The following JAM3 variants were observed in gnomAD, a reference collection of about 807,000 sequenced individuals.
The protein encoded by JAM3 is junctional adhesion molecule C.
Under a neutral mutation model 39.4 loss-of-function variants are expected in JAM3, and 31 were observed. The observed-to-expected ratio is 0.79, with a 90% CI of 0.59 to 1.06. The LOEUF (loss-of-function observed/expected upper bound fraction) is 1.06. Among genes scored for constraint, JAM3 ranks in the 50% least tolerant of loss-of-function variants. JAM3 has a pLI of 0.00. For synonymous variants in JAM3, 182 were observed against 148.7 expected, an observed-to-expected ratio of 1.22 and a Z score of -1.63; for missense variants, 455 against 391.4, an observed-to-expected ratio of 1.16 and a Z score of -1.37.
chr11:134,130,434 T>A lies in JAM3; in HGVS notation c.77-9417T>A, dbSNP rs956684614. 2.6e-5 allele frequency among the ~76,000 whole-genome samples: 4 copies of A among 152,134 alleles called. No individual in the cohort carries two copies. The East Asian group carries it at 7.7e-4, about 29-fold the overall frequency. On this transcript the variant is annotated intron_variant, in intron 1 of 8. Coordinates refer to ENST00000299106, the MANE Select transcript of JAM3 (RefSeq NM_032801.5). ...GTTGGGAATCAGATACAAAGATGAATAAGAATTACTAAAAAAAAAATAGTG... is the reference window on the plus strand; with the variant it reads ...GTTGGGAATCAGATACAAAGATGAAAAAGAATTACTAAAAAAAAAATAGTG...
intron 1 of JAM3, among the ~76,000 whole-genome samples, chr11:134,131,068 G>A (rs1038860550): frequency 5.3e-5 from 8 of 152,104 alleles, no homozygotes; most frequent in Non-Finnish European, 1.0e-4. Context: ...ATAGAAAGCT[G>A]TGATCATGTC....
At chr11:134,115,201 C>T (rs1021304606) in intron 1 of JAM3, among the ~76,000 whole-genome samples, 3 of 152,148 alleles carry the variant, frequency 2.0e-5, no homozygotes, top group Non-Finnish European at 4.4e-5. Context: ...AGCCACTCCA[C>T]TTTTCTTTTG....
At chr11:134,140,253 C>A (rs558991196) in intron 2 of JAM3, among the ~76,000 whole-genome samples, 4 of 152,262 alleles carry the variant, frequency 2.6e-5, no homozygotes, top group Non-Finnish European at 4.4e-5. Context: ...TCCTGAGTAG[C>A]TGGGATTACA....
chr11:134,081,036 C>T (rs1025842717), intron 1 of JAM3, among the ~76,000 whole-genome samples: 2 of 152,098 alleles, frequency 1.3e-5, no homozygotes, highest in Admixed American at 1.3e-4. Context: ...TTTGCCCCTG[C>T]CCTAGAGATT....
At chr11:134,140,577 G>C (rs1942955770) in intron 2 of JAM3, 80 bp from the exon 3 acceptor site, 3 of 1,147,440 alleles carry the variant, frequency 2.6e-6, no homozygotes, top group Non-Finnish European at 2.6e-6. Flanking sequence ...TCTTGAATTA[G>C]AGCTTGCAGG....
intron 1 of JAM3, among the ~76,000 whole-genome samples, chr11:134,107,358 G>A (rs1238165597): frequency 1.3e-5 from 2 of 152,118 alleles, no homozygotes; most frequent in Non-Finnish European, 2.9e-5. Context: ...GGGAGGGATA[G>A]CATTAGGAGA....
chr11:134,096,570 T>G (rs1941988338), intron 1 of JAM3, among the ~76,000 whole-genome samples: 1 of 152,206 alleles, frequency 6.6e-6, no homozygotes, highest in Admixed American at 6.5e-5. Context: ...TGGGCAGATG[T>G]TTACTAGGGA....
chr11:134,082,615 T>TA (rs1347973454), intron 1 of JAM3, among the ~76,000 whole-genome samples: 3 of 152,192 alleles, frequency 2.0e-5, no homozygotes, highest in African/African-American at 7.2e-5. Flanking sequence ...CCGTGTGAGA[T>TA]ATGCCTTTCA....
intron 6 of JAM3, 39 bp downstream of exon 6, chr11:134,146,084 G>A (rs371949998): frequency 7.8e-7 from 1 of 1,278,194 alleles, no homozygotes; most frequent in Non-Finnish European, 1.1e-6. Flanking sequence ...CGCAAGACTG[G>A]GAAGTGAATA....
intron 1 of JAM3, among the ~76,000 whole-genome samples, chr11:134,109,833 G>A (rs1402171271): frequency 2.0e-5 from 3 of 152,332 alleles, no homozygotes; most frequent in South Asian, 2.1e-4. Flanking sequence ...TGAACATGGA[G>A]TAGCTACCTG....
intron 1 of JAM3, among the ~76,000 whole-genome samples, chr11:134,107,270 G>A (rs1029353296): frequency 6.6e-6 from 1 of 152,080 alleles, no homozygotes; most frequent in Admixed American, 6.6e-5. Context: ...CTCATAGGTG[G>A]GAATTGAACA....
intron 1 of JAM3, among the ~76,000 whole-genome samples, chr11:134,124,844 T>C (rs1046102667): frequency 6.6e-6 from 1 of 152,224 alleles, no homozygotes; most frequent in Non-Finnish European, 1.5e-5. Flanking sequence ...CCGGCAGAAG[T>C]CTGCCCTCAC....
intron 1 of JAM3, among the ~76,000 whole-genome samples, chr11:134,093,001 C>T (rs1365412779): frequency 2.7e-5 from 4 of 146,574 alleles, no homozygotes; most frequent in Admixed American, 6.7e-5. Flanking sequence ...CATCATGTTC[C>T]ACCTTACATG....
chr11:134,137,643 C>T lies in JAM3; in HGVS notation c.77-2208C>T, dbSNP rs534936696. Among the ~76,000 whole-genome samples, 334 of 152,124 alleles carry T rather than the reference C, an allele frequency of 2.2e-3. 5 individuals are homozygous for T. Among genetic ancestry groups the T allele is most frequent in the Non-Finnish European group, 5.3e-4 (36 of 67,986 alleles). ...AGAGAAATGTTTATGGCCAATAGTC[C>T]CTTAGAGCCAGTGGTGGTGTCTCGT... On this transcript the variant is annotated intron_variant, in intron 1 of 8. Transcript: ENST00000299106.
rs149286072 is a variant in JAM3, at chr11:134,069,360, C to T, written c.76+201C>T. On this transcript the variant is annotated intron_variant, in intron 1 of 8. Transcript: ENST00000299106. ...CTCGGGCCTGGCTAGGGCGGGGGCC[C>T]TGGGACGCCCGGCAGTTGGACCGGG... Among the ~76,000 whole-genome samples, 1,531 of 152,186 alleles carry T rather than the reference C, an allele frequency of 0.01. 24 individuals carry two copies. Among genetic ancestry groups the T allele is most frequent in the African/African-American group, 0.035 (1,438 of 41,544 alleles).
At chr11:134,092,047 T>C (rs993483699) in intron 1 of JAM3, among the ~76,000 whole-genome samples, 2 of 152,174 alleles carry the variant, frequency 1.3e-5, no homozygotes, top group Non-Finnish European at 1.5e-5. Flanking sequence ...ACTACTCTTT[T>C]CATCCCCTTT....
At chr11:134,111,898 T>C (rs2120731533) in intron 1 of JAM3, among the ~76,000 whole-genome samples, 1 of 152,342 alleles carries the variant, frequency 6.6e-6, no homozygotes, top group Non-Finnish European at 1.5e-5. Context: ...GGAAGCCCAG[T>C]GTGCTCACAG....
chr11:134,094,359 A>T (rs2055852779), intron 1 of JAM3, among the ~76,000 whole-genome samples: 1 of 135,690 alleles, frequency 7.4e-6, no homozygotes, highest in Admixed American at 7.4e-5. Flanking sequence ...CTTACATGTC[A>T]CTTCCTGAGG....
chr11:134,125,221 C>A (rs1450240343), intron 1 of JAM3, among the ~76,000 whole-genome samples: 1 of 152,192 alleles, frequency 6.6e-6, no homozygotes, highest in Non-Finnish European at 1.5e-5. Flanking sequence ...CTCCCGCCCC[C>A]TCTTCTCTCT....
Sources: allele counts gnomAD v4.1 joint callset (sites outside exome capture counted in the v4.1 genomes callset), GRCh38; gene constraint gnomAD v4.1.1; transcripts MANE v1.5; gene names NCBI Gene and HGNC (gene_info 2026-07-23, HGNC 2026-07-21).